Variants in LDLRAD3 observed in about 807,000 individuals in gnomAD.
The protein encoded by LDLRAD3 is low-density lipoprotein receptor class A domain-containing protein 3.
Under a neutral mutation model 29.4 loss-of-function variants are expected in LDLRAD3, and 20 were observed. That is an observed-to-expected ratio of 0.68 (90% CI 0.48 to 0.99). LDLRAD3 has a LOEUF of 0.99. Ranked by LOEUF, LDLRAD3 falls within the 50% of genes least tolerant of loss-of-function variation. LDLRAD3 has a pLI of 0.00. For synonymous variants in LDLRAD3, 157 were observed against 192.7 expected, an observed-to-expected ratio of 0.81 and a Z score of 1.53; for missense variants, 420 against 454.3, an observed-to-expected ratio of 0.92 and a Z score of 0.69.
At chr11:35,972,743 G>C (rs1851428561) in intron 1 of LDLRAD3, 1 of 152,104 alleles carries the variant, frequency 6.6e-6, no homozygotes, top group Non-Finnish European at 1.5e-5. Flanking sequence ...CAATCGTATG[G>C]TTCAACATTT....
chr11:36,122,554 G>A (rs1024378793), intron 4 of LDLRAD3, among the ~76,000 whole-genome samples: 15 of 152,158 alleles, frequency 9.9e-5, no homozygotes, highest in African/African-American at 3.1e-4. Context: ...ACTGCATGAC[G>A]ATGATGATAA....
At chr11:36,090,582 C>G (rs77931277) in intron 3 of LDLRAD3, among the ~76,000 whole-genome samples, 213 of 152,266 alleles carry the variant, frequency 1.4e-3, no homozygotes, top group Non-Finnish European at 2.4e-3. Flanking sequence ...TCCAGGAAGC[C>G]TTTACCGACA....
At chr11:36,192,365 T>C in intron 4 of LDLRAD3, among the ~76,000 whole-genome samples, 1 of 152,194 alleles carries the variant, frequency 6.6e-6, no homozygotes, top group East Asian at 1.9e-4. Context: ...ACCTTAATGA[T>C]GGAAGCACAG....
intron 4 of LDLRAD3, among the ~76,000 whole-genome samples, chr11:36,145,376 G>A: frequency 9.9e-6 from 1 of 100,868 alleles, no homozygotes; most frequent in African/African-American, 4.7e-5. Flanking sequence ...CGTCTGGGAG[G>A]GAGGTGGGGG....
chr11:36,228,610 G>C (rs1855531745), intron 5 of LDLRAD3, among the ~76,000 whole-genome samples: 1 of 152,236 alleles, frequency 6.6e-6, no homozygotes. Flanking sequence ...AAAGTGCCTG[G>C]CTCATGAGAA....
intron 2 of LDLRAD3, among the ~76,000 whole-genome samples, chr11:36,060,842 G>A (rs540710064): frequency 4.4e-4 from 67 of 152,150 alleles, no homozygotes; most frequent in African/African-American, 1.5e-3. Flanking sequence ...TTTCTTTTCT[G>A]CTTTTCCTTA....
chr11:36,146,753 G>C (rs1031276738), intron 4 of LDLRAD3, among the ~76,000 whole-genome samples: 1 of 81,000 alleles, frequency 1.2e-5, no homozygotes, highest in Non-Finnish European at 2.6e-5. Context: ...TCTTGTCTCT[G>C]TGTCCCAAAT....
At position 36,213,025 on chromosome 11, in the gene LDLRAD3, T is replaced by C. The variant is rs1421206739; in HGVS notation, c.455-14060T>C. Among the ~76,000 whole-genome samples the C allele has an allele frequency of 6.8e-6, 1 of 146,774 alleles. No homozygotes were observed. Among genetic ancestry groups the C allele is most frequent in the African/African-American group, 2.7e-5 (1 of 36,580 alleles). On this transcript the variant is annotated intron_variant, in intron 4 of 5. Transcript: ENST00000315571. The surrounding 1 kb of genome is among the most constrained non-coding windows in gnomAD (Gnocchi z 4.1). ...TTCGGTCTTCAGTTTAGAACTTTCT[T>C]CTCTCTCTGTCTCTCTCTCCCCCAC...
At chr11:35,957,745 G>A (rs1191692001) in intron 1 of LDLRAD3, among the ~76,000 whole-genome samples, 4 of 143,498 alleles carry the variant, frequency 2.8e-5, no homozygotes, top group Non-Finnish European at 6.0e-5. Context: ...GCATGGAGCT[G>A]AGATCGTGCC....
At chr11:36,014,938 TGA>T (rs574051152) in intron 1 of LDLRAD3, among the ~76,000 whole-genome samples, 24 of 152,282 alleles carry the variant, frequency 1.6e-4, no homozygotes, top group Admixed American at 1.4e-3. Context: ...AAAAGTTCAG[TGA>T]AGAACCCCCT....
intron 4 of LDLRAD3, among the ~76,000 whole-genome samples, chr11:36,221,413 A>T (rs1480842690): frequency 6.6e-6 from 1 of 151,724 alleles, no homozygotes; most frequent in African/African-American, 2.4e-5. Context: ...AGCTGTCCTC[A>T]GGGACTCATG....
At chr11:36,018,038 G>A (rs982100750) in intron 1 of LDLRAD3, among the ~76,000 whole-genome samples, 1 of 152,142 alleles carries the variant, frequency 6.6e-6, no homozygotes, top group Non-Finnish European at 1.5e-5. Context: ...GTTTATCATG[G>A]ATCCTGTTTA....
chr11:36,009,599 C>A (rs1018878851), intron 1 of LDLRAD3, among the ~76,000 whole-genome samples: 1 of 152,198 alleles, frequency 6.6e-6, no homozygotes, highest in African/African-American at 2.4e-5. Flanking sequence ...TTCCCACCTC[C>A]ACTATAATCA....
rs1180871551 is a variant in LDLRAD3, at chr11:35,964,958, T to G, written c.46+20814T>G. Among the ~76,000 whole-genome samples, 3 of 150,024 alleles carry G rather than the reference T, an allele frequency of 2.0e-5. No individual in the cohort carries two copies. The East Asian group carries it at 5.9e-4, about 29-fold the overall frequency. ...TGAGCTGTGATTATGCCACCACACTTCAGCCTGGGCAACAGAGCAAGACTG... is the reference window on the plus strand; with the variant it reads ...TGAGCTGTGATTATGCCACCACACTGCAGCCTGGGCAACAGAGCAAGACTG... On this transcript the variant is annotated intron_variant, in intron 1 of 5. Transcript: ENST00000315571.
At chr11:36,225,828 T>G (rs1855490887) in intron 4 of LDLRAD3, among the ~76,000 whole-genome samples, 1 of 152,142 alleles carries the variant, frequency 6.6e-6, no homozygotes, top group African/African-American at 2.4e-5. Context: ...CCCAGCACTT[T>G]GGGAGGCCGA....
chr11:36,066,665 C>T (rs1565197862), intron 2 of LDLRAD3, among the ~76,000 whole-genome samples: 2 of 152,034 alleles, frequency 1.3e-5, no homozygotes, highest in South Asian at 2.1e-4. Context: ...CGTCATTCTT[C>T]GTAATAAAAG....
intron 4 of LDLRAD3, among the ~76,000 whole-genome samples, chr11:36,136,258 T>C (rs1854002646): frequency 1.3e-5 from 2 of 152,218 alleles, no homozygotes; most frequent in African/African-American, 4.8e-5. Flanking sequence ...TCATATACAC[T>C]GTCTTAGGTA....
intron 3 of LDLRAD3, among the ~76,000 whole-genome samples, chr11:36,093,405 G>T (rs1324251606): frequency 6.6e-6 from 1 of 151,820 alleles, no homozygotes; most frequent in African/African-American, 2.4e-5. Flanking sequence ...CTCTGGACTT[G>T]GGGTTGTTTA....
chr11:36,205,819 G>A (rs1240569106), intron 4 of LDLRAD3, among the ~76,000 whole-genome samples: 1 of 152,202 alleles, frequency 6.6e-6, no homozygotes, highest in Admixed American at 6.5e-5. Context: ...GAGGAGCTTT[G>A]CCGGCAATGA....
Sources: gnomAD v4.1 joint callset for allele counts (sites outside exome capture counted in the v4.1 genomes callset) on GRCh38, gnomAD v4.1.1 for gene constraint, Gnocchi (gnomAD v3.1) non-coding constraint, MANE v1.5 for transcripts, NCBI Gene and HGNC (gene_info 2026-07-23, HGNC 2026-07-21) for gene names.